The following SHISA6 variants were observed in gnomAD, a reference collection of about 807,000 sequenced individuals.
SHISA6 encodes protein shisa-6.
SHISA6 carries 22 observed loss-of-function variants against 47.9 expected under a neutral mutation model. The observed-to-expected ratio is 0.46, with a 90% confidence interval of 0.33 to 0.66. The LOEUF (loss-of-function observed/expected upper bound fraction) is 0.66. SHISA6 is among the 30% of genes least tolerant of loss of function. The pLI is 0.02. For missense variants in SHISA6, 680 were observed against 764.6 expected, an observed-to-expected ratio of 0.89 and a Z score of 1.30; for synonymous variants, 388 against 337.8, an observed-to-expected ratio of 1.15 and a Z score of -1.63.
chr17:11,497,667 A>T (rs2071419791), intron 3 of SHISA6, among the ~76,000 whole-genome samples: 1 of 152,174 alleles, frequency 6.6e-6, no homozygotes, highest in African/African-American at 2.4e-5. Context: ...TGTTTCCCAC[A>T]ACCTTGGGCT....
chr17:11,341,966 C>A (rs1453728938), intron 2 of SHISA6, among the ~76,000 whole-genome samples: 2 of 152,112 alleles, frequency 1.3e-5, no homozygotes, highest in African/African-American at 4.8e-5. Context: ...GAGATGACAG[C>A]CCTCTGCAGC....
intron 3 of SHISA6, among the ~76,000 whole-genome samples, chr17:11,488,099 T>G (rs1456987435): frequency 6.6e-6 from 1 of 152,186 alleles, no homozygotes; most frequent in Admixed American, 6.6e-5. Context: ...GGAGCCAAAC[T>G]TCCCTGACTT....
chr17:11,459,059 AT>A (rs1447965916), intron 3 of SHISA6, among the ~76,000 whole-genome samples: 2 of 148,488 alleles, frequency 1.3e-5, no homozygotes, highest in African/African-American at 5.0e-5. Flanking sequence ...AAAAAAAAAA[AT>A]GCAAAAAAAT....
chr17:11,521,819 C>A (rs1203273307), intron 3 of SHISA6, among the ~76,000 whole-genome samples: 1 of 151,968 alleles, frequency 6.6e-6, no homozygotes, highest in East Asian at 1.9e-4. Context: ...ACAAGATAAA[C>A]TAGCTAGACT....
chr17:11,336,707 C>T (rs1911334651), intron 2 of SHISA6, among the ~76,000 whole-genome samples: 1 of 152,238 alleles, frequency 6.6e-6, no homozygotes, highest in East Asian at 1.9e-4. Context: ...CTGGCCACCT[C>T]TGAGAAACAT....
At chr17:11,372,817 A>G (rs190624102) in intron 2 of SHISA6, among the ~76,000 whole-genome samples, 17 of 152,232 alleles carry the variant, frequency 1.1e-4, no homozygotes, top group East Asian at 7.8e-4. Flanking sequence ...GCACCATTCA[A>G]GCTCCCTCTC....
rs543154111 is a variant in SHISA6, at chr17:11,258,899, ATAG to A, written c.639-4463_639-4461del. ...TGTGTTCAGGGACCATTACAGGGAC[ATAG>A]TAGGTGAAGAAGACAAATGTGACTA... On this transcript the variant is annotated intron_variant, in intron 1 of 5. Coordinates refer to ENST00000441885, the MANE Select transcript of SHISA6 (RefSeq NM_207386.4). 1.5e-3 allele frequency among the ~76,000 whole-genome samples: 236 copies of A among 152,344 alleles called. 1 individual carries two copies. Among genetic ancestry groups the A allele is most frequent in the Non-Finnish European group, 2.0e-3 (137 of 68,038 alleles).
intron 3 of SHISA6, among the ~76,000 whole-genome samples, chr17:11,434,338 C>G (rs1914876500): frequency 6.6e-6 from 1 of 152,144 alleles, no homozygotes. Flanking sequence ...GCTGAGAATA[C>G]AGGCGTGAGC....
At chr17:11,467,134 G>A (rs1460757913) in intron 3 of SHISA6, among the ~76,000 whole-genome samples, 1 of 152,158 alleles carries the variant, frequency 6.6e-6, no homozygotes, top group Non-Finnish European at 1.5e-5. Context: ...TTCACAAGCT[G>A]TCCAGAGTTA....
chr17:11,358,884 C>G (rs55649321), intron 2 of SHISA6, among the ~76,000 whole-genome samples: 23,923 of 151,852 alleles, frequency 0.16, 1,978 homozygotes, highest in East Asian at 0.24. Flanking sequence ...GTCTCGAACT[C>G]CTGAGCTCAA....
chr17:11,502,216 T>C (rs1050502589), intron 3 of SHISA6, among the ~76,000 whole-genome samples: 1 of 149,086 alleles, frequency 6.7e-6, no homozygotes, highest in Non-Finnish European at 1.5e-5. Flanking sequence ...GAGACCATCC[T>C]GGCTAACACG....
chr17:11,327,148 T>C (rs1177699703), intron 2 of SHISA6, among the ~76,000 whole-genome samples: 3 of 152,178 alleles, frequency 2.0e-5, no homozygotes, highest in Non-Finnish European at 4.4e-5. Flanking sequence ...GTGTTTGACA[T>C]TTATGGTGCA....
chr17:11,452,286 C>A (rs548800343), intron 3 of SHISA6, among the ~76,000 whole-genome samples: 46 of 152,336 alleles, frequency 3.0e-4, no homozygotes, highest in African/African-American at 9.9e-4. Context: ...TCCCTACATG[C>A]ACAATCCTCA....
At chr17:11,273,713 T>A (rs899226930) in intron 2 of SHISA6, among the ~76,000 whole-genome samples, 1 of 152,080 alleles carries the variant, frequency 6.6e-6, no homozygotes, top group Non-Finnish European at 1.5e-5. Context: ...TACAGCGACA[T>A]GGAGTGATGG....
intron 3 of SHISA6, among the ~76,000 whole-genome samples, chr17:11,421,706 A>C (rs1234004341): frequency 2.0e-5 from 3 of 152,212 alleles, no homozygotes. Context: ...TTAGAAACAA[A>C]GAGGAGTTAC....
chr17:11,515,366 G>GGAAGGAAGGAAGGAAGGT (rs1567626495), intron 3 of SHISA6, among the ~76,000 whole-genome samples: 1 of 127,688 alleles, frequency 7.8e-6, no homozygotes, highest in African/African-American at 3.1e-5. Context: ...GGAAGGAAGG[G>GGAAGGAAGGAAGGAAGGT]AGAGAAAATG....
chr17:11,263,521 C>G lies in SHISA6; in HGVS notation c.794C>G (p.Thr265Ser). ...HYTPVRTAKQ[T>S]PGHYGKDAYR... The stretch of plus-strand genomic sequence containing the variant: ...ACTCCTGTGCGTACGGCCAAGCAGA[C>G]TCCAGGTAAGTAACAGCTGGGCACC... The change falls in exon 2 of 6, where the codon ACT becomes AGT. Residue 265 changes from threonine to serine, a missense_variant. Physicochemically the swap from Thr to Ser is moderately conservative, Grantham distance 58. Around this residue, in one of 2 missense-constraint regions of SHISA6, gnomAD observed 559 missense variants for 674.1 expected, o/e 0.83. Coordinates refer to ENST00000441885, the MANE Select transcript of SHISA6 (RefSeq NM_207386.4). 6.4e-7 allele frequency: 1 copy of G among 1,551,682 alleles called. No individual in the cohort carries two copies. Among genetic ancestry groups the G allele is most frequent in the Admixed American group, 2.0e-5 (1 of 50,998 alleles).
chr17:11,389,027 C>T (rs1257437219), intron 3 of SHISA6, among the ~76,000 whole-genome samples: 2 of 151,702 alleles, frequency 1.3e-5, no homozygotes, highest in African/African-American at 2.4e-5. Flanking sequence ...TCAGTATGGC[C>T]CAGGACTCTG....
intron 1 of SHISA6, among the ~76,000 whole-genome samples, chr17:11,247,810 G>C (rs1907650817): frequency 7.2e-6 from 1 of 138,642 alleles, no homozygotes; most frequent in Middle Eastern, 3.9e-3. Context: ...AGTCTTGCTT[G>C]GTGGCCCAAG....
Sources: allele counts gnomAD v4.1 joint callset (sites outside exome capture counted in the v4.1 genomes callset), GRCh38; gene constraint gnomAD v4.1.1; regional missense constraint gnomAD v4.1.1; transcripts MANE v1.5; gene names NCBI Gene and HGNC (gene_info 2026-07-23, HGNC 2026-07-21).